PLEKHA4: variants seen among roughly 807,000 people sequenced by gnomAD.
PLEKHA4 encodes pleckstrin homology domain-containing family A member 4.
In PLEKHA4, 73 loss-of-function variants were observed where a neutral mutation model predicts 94.7. That is an observed-to-expected ratio of 0.77 (90% confidence interval 0.64 to 0.94). The LOEUF (loss-of-function observed/expected upper bound fraction) is 0.94, where lower values mean the gene tolerates loss of function less well. Ranked by LOEUF, PLEKHA4 falls within the 40% of genes least tolerant of loss-of-function variation. The pLI is 0.00. For missense variants in PLEKHA4, 1,049 were observed against 1,054.1 expected (o/e 1.00, Z 0.07); for synonymous variants, 449 against 437.1 (o/e 1.03, Z -0.34).
intron 8 of PLEKHA4, among the ~76,000 whole-genome samples, chr19:48,857,955 G>GT (rs1284173583): frequency 6.6e-6 from 1 of 151,888 alleles, no homozygotes; most frequent in East Asian, 1.9e-4. Flanking sequence ...AAACTGGCAT[G>GT]TCTTAGTGAC....
chr19:48,851,580 C>T (rs1402089334), intron 13 of PLEKHA4, among the ~76,000 whole-genome samples: 2 of 151,940 alleles, frequency 1.3e-5, no homozygotes, highest in South Asian at 2.1e-4. Flanking sequence ...CGTGCCATTG[C>T]ACTCCAGCCC....
chr19:48,838,014 C>T lies in PLEKHA4; in HGVS notation c.2077+3G>A. On this transcript the variant is annotated splice_donor_region_variant and intron_variant, in intron 19 of 19. Transcript: ENST00000263265. ...CAGAAGTCCAACATCCCCAGCCAGT[C>T]ACCTGTCATCATTCTGTGCCACTGC... 6.2e-7 allele frequency: 1 copy of T among 1,606,488 alleles called. No homozygotes were observed. The highest frequency in any genetic ancestry group is 8.5e-7 in the Non-Finnish European group (1 of 1,173,706).
rs1392373503 is a variant in PLEKHA4 at position 48,857,412 on chromosome 19, G to C, written c.1047+10C>G. On this transcript the variant is annotated intron_variant, in intron 9 of 19. Transcript: ENST00000263265. ...GCTCCGGTAGATTTAGGGTACTCCA[G>C]GATACCTACCAATAAAACCATGGAG... 3.4e-6 allele frequency: 5 copies of C among 1,475,094 alleles called. No individual in the cohort carries two copies. The highest frequency in any genetic ancestry group is 4.8e-5 in the East Asian group (2 of 42,016). 91.4% of individuals were successfully genotyped at this position (1,475,094 alleles called of 1,614,324 possible).
chr19:48,863,428 T>TTGTG, intron 3 of PLEKHA4, among the ~76,000 whole-genome samples: 1 of 135,328 alleles, frequency 7.4e-6, no homozygotes, highest in Non-Finnish European at 1.6e-5. Flanking sequence ...AATTTAGGTT[T>TTGTG]TTTGTTTTTT....
chr19:48,853,751 G>A lies in PLEKHA4; in HGVS notation c.1257C>T (p.Ala419=), dbSNP rs61744782. 6 of 1,612,454 alleles carry A rather than the reference G, an allele frequency of 3.7e-6. No individual in the cohort carries two copies. The highest frequency in any genetic ancestry group is 1.3e-5 in the African/African-American group (1 of 74,864). Residue 419 remains alanine, a synonymous_variant, in exon 12 of 20, where the codon GCC becomes GCT. Coordinates refer to ENST00000263265, the MANE Select transcript of PLEKHA4 (RefSeq NM_020904.3). ...ATREAGAPGR[A]WGRQRLLQDR... is the part of the protein sequence containing the mutation. Reference sequence around the variant, plus strand: ...CCTGCAAGAGGCGCTGGCGACCCCAGGCCCTCCCGGGAGCCCCAGCCTCCC... The same window carrying A: ...CCTGCAAGAGGCGCTGGCGACCCCAAGCCCTCCCGGGAGCCCCAGCCTCCC...
intron 14 of PLEKHA4, among the ~76,000 whole-genome samples, chr19:48,847,521 C>A (rs907041950): frequency 1.3e-5 from 2 of 152,104 alleles, no homozygotes; most frequent in African/African-American, 4.8e-5. Flanking sequence ...TACTCAAGGC[C>A]AGGAGTACAT....
intron 10 of PLEKHA4, 60 bp from the exon 11 acceptor site, chr19:48,854,147 C>T (rs2036312625): frequency 6.2e-7 from 1 of 1,612,306 alleles, no homozygotes; most frequent in Admixed American, 1.7e-5. Context: ...CCTGCCGCTC[C>T]TCCCATCATC....
Position 48,837,907 on chromosome 19 carries a change from A to G in PLEKHA4, c.2077+110T>C, listed in dbSNP as rs933625700. ...CCTGCCCAACTCTTTACTCACCAAGATAAAAAATTCTCACCGGCCCCCAGA... is the reference window on the plus strand; with the variant it reads ...CCTGCCCAACTCTTTACTCACCAAGGTAAAAAATTCTCACCGGCCCCCAGA... On this transcript the variant is annotated intron_variant, in intron 19 of 19. Transcript: ENST00000263265. This position sits in a 1 kb window ranked among gnomAD's most constrained non-coding sequence, Gnocchi z 4.3. 2.3e-6 allele frequency: 2 copies of G among 880,392 alleles called. No homozygotes were observed. Among genetic ancestry groups the G allele is most frequent in the African/African-American group, 3.4e-5 (2 of 58,350 alleles). The allele number at this position is 880,392 out of a possible 1,614,324, so 54.5% of individuals were successfully genotyped here.
At chr19:48,866,054 G>T (rs987061388) in intron 2 of PLEKHA4, among the ~76,000 whole-genome samples, 1 of 151,692 alleles carries the variant, frequency 6.6e-6, no homozygotes, top group African/African-American at 2.4e-5. Flanking sequence ...GGGTCAAGGT[G>T]GGGGCTGAAG....
At chr19:48,856,898 C>CAAAAAAAAAAAAAAA (rs1315657736) in intron 9 of PLEKHA4, among the ~76,000 whole-genome samples, 5 of 35,624 alleles carry the variant, frequency 1.4e-4, no homozygotes, top group African/African-American at 3.2e-4. Flanking sequence ...GACCCCGTCT[C>CAAAAAAAAAAAAAAA]AAAAAAAAAA....
rs774188473 is a variant in PLEKHA4, at chr19:48,838,058, G to A, written c.2036C>T (p.Ala679Val). 1 of 1,613,808 alleles carries A rather than the reference G, an allele frequency of 6.2e-7. No homozygotes were observed. Among genetic ancestry groups the A allele is most frequent in the Admixed American group, 1.7e-5 (1 of 59,960 alleles). The change falls in exon 19 of 20, where the codon GCC becomes GTC. Residue 679 changes from alanine (A) to valine (V), a missense_variant. By Grantham distance (64) the Ala-to-Val change is moderately conservative (BLOSUM62 0). Transcript: ENST00000263265. ...HRERVLSLSQ[A>V]LATEASQWHR... Reference sequence around the variant, plus strand: ...CCACTGCGACGCCTCAGTAGCCAGGGCTTGGGAGAGGCTGAGAACCCGCTC... The same window carrying A: ...CCACTGCGACGCCTCAGTAGCCAGGACTTGGGAGAGGCTGAGAACCCGCTC...
intron 16 of PLEKHA4, chr19:48,844,542 C>T: frequency 1.0e-6 from 1 of 985,314 alleles, no homozygotes; most frequent in Non-Finnish European, 1.2e-6. Flanking sequence ...GTGATGGAGC[C>T]AAGCTTCTGA....
chr19:48,866,031 G>A (rs1276686914), intron 2 of PLEKHA4, among the ~76,000 whole-genome samples: 1 of 151,076 alleles, frequency 6.6e-6, no homozygotes, highest in Non-Finnish European at 1.5e-5. Context: ...AAAAAAAAAA[G>A]AAAGAAAGAA....
intron 9 of PLEKHA4, among the ~76,000 whole-genome samples, chr19:48,855,501 G>A (rs1365507363): frequency 1.3e-5 from 2 of 152,088 alleles, no homozygotes; most frequent in Admixed American, 1.3e-4. Context: ...CTACTTGGGA[G>A]GCTGAGGAAG....
At chr19:48,865,658 C>T (rs2036806271) in intron 2 of PLEKHA4, 48 bp from the exon 3 acceptor site, 1 of 1,390,872 alleles carries the variant, frequency 7.2e-7, no homozygotes, top group African/African-American at 1.5e-5. Context: ...CTAGGATGGT[C>T]CTGGGAGGGG....
intron 16 of PLEKHA4, among the ~76,000 whole-genome samples, chr19:48,842,592 T>C (rs1352394249): frequency 6.6e-6 from 1 of 152,230 alleles, no homozygotes; most frequent in Non-Finnish European, 1.5e-5. Flanking sequence ...CTGCTTTGTA[T>C]ACCCTGAAAC....
Position 48,860,330 on chromosome 19 carries a change from T to A in PLEKHA4, c.476+20A>T. ...GACTCAGGGTGGAGGGTCAGGAGCATGGCTTGGACCTCTACTCACTAGTCG... is the reference window on the plus strand; with the variant it reads ...GACTCAGGGTGGAGGGTCAGGAGCAAGGCTTGGACCTCTACTCACTAGTCG... On this transcript the variant is annotated intron_variant, in intron 6 of 19. Transcript: ENST00000263265. 1.3e-6 allele frequency: 2 copies of A among 1,598,510 alleles called. No homozygotes were observed. The highest frequency in any genetic ancestry group is 1.7e-5 in the Admixed American group (1 of 59,934).
chr19:48,867,689 CAG>C lies in PLEKHA4; in HGVS notation c.-6-65_-6-64del. Reference sequence around the variant, plus strand: ...GACGGGTGTGAGACAGAGATGGGGTCAGGGGCTTGGAGGTCGGAGGAGGCTGC... The same window carrying C: ...GACGGGTGTGAGACAGAGATGGGGTCGGGCTTGGAGGTCGGAGGAGGCTGC... On this transcript the variant is annotated intron_variant, in intron 1 of 19. Transcript: ENST00000263265. This position sits in a 1 kb window ranked among gnomAD's most constrained non-coding sequence, Gnocchi z 4.7. 2 of 1,476,156 alleles carry C rather than the reference CAG, an allele frequency of 1.4e-6. No individual in the cohort carries two copies. The highest frequency in any genetic ancestry group is 2.8e-5 in the African/African-American group (2 of 71,752). 91.4% of individuals were successfully genotyped at this position (1,476,156 alleles called of 1,614,324 possible).
chr19:48,851,028 G>A (rs1306620513), intron 13 of PLEKHA4, among the ~76,000 whole-genome samples: 2 of 149,834 alleles, frequency 1.3e-5, no homozygotes, highest in Non-Finnish European at 3.0e-5. Context: ...GTAATCCCAG[G>A]TACTTGGGAG....
Sources: gnomAD v4.1 joint callset for allele counts (sites outside exome capture counted in the v4.1 genomes callset) on GRCh38, gnomAD v4.1.1 for gene constraint, Gnocchi (gnomAD v3.1) non-coding constraint, MANE v1.5 for transcripts, NCBI Gene and HGNC (gene_info 2026-07-23, HGNC 2026-07-21) for gene names.